The following OXR1 variants were observed in gnomAD, a reference collection of about 807,000 sequenced individuals.
OXR1 encodes the protein oxidation resistance protein 1.
In OXR1, 41 loss-of-function variants were observed where a neutral mutation model predicts 104.6. The observed-to-expected ratio is 0.39, with a 90% CI of 0.31 to 0.51. The LOEUF is 0.51. Ranked by LOEUF, OXR1 falls within the 20% of genes least tolerant of loss-of-function variation. The pLI, the probability that OXR1 is intolerant of heterozygous loss-of-function variation, is 0.77. For synonymous variants in OXR1, 348 were observed against 348.4 expected (o/e 1.00, Z 0.01); for missense variants, 955 against 1,031.9 (o/e 0.93, Z 1.02).
chr8:106,745,989 A>G, intron 16 of OXR1, 127 bp downstream of exon 16: 1 of 591,464 alleles, frequency 1.7e-6, no homozygotes, highest in Non-Finnish European at 3.0e-6. Flanking sequence ...ATTATGAAAA[A>G]GAGAGTATAA....
intron 1 of OXR1, among the ~76,000 whole-genome samples, chr8:106,271,380 A>T (rs1811800543): frequency 6.6e-6 from 1 of 152,020 alleles, no homozygotes; most frequent in Non-Finnish European, 1.5e-5. Context: ...GGTTCCCGGC[A>T]CGCTCAGGGT....
intron 2 of OXR1, among the ~76,000 whole-genome samples, chr8:106,514,875 C>G (rs78825710): frequency 3.7e-4 from 56 of 152,132 alleles, no homozygotes; most frequent in African/African-American, 1.3e-3. Context: ...AACAAAAGAG[C>G]AGCTGGCTTT....
chr8:106,313,928 G>T (rs1813820681), intron 1 of OXR1, among the ~76,000 whole-genome samples: 1 of 152,116 alleles, frequency 6.6e-6, no homozygotes, highest in Non-Finnish European at 1.5e-5. Context: ...AATTAAAGAA[G>T]AATGTTTTTC....
chr8:106,497,785 CAT>C (rs976128246), intron 2 of OXR1, among the ~76,000 whole-genome samples: 1 of 81,354 alleles, frequency 1.2e-5, no homozygotes, highest in African/African-American at 5.6e-5. Flanking sequence ...ATATGGTCAC[CAT>C]ATGTGTGTGT....
At chr8:106,381,023 A>C (rs1000612605) in intron 2 of OXR1, among the ~76,000 whole-genome samples, 3 of 152,172 alleles carry the variant, frequency 2.0e-5, no homozygotes, top group South Asian at 2.1e-4. Context: ...TTCAACACCA[A>C]ATCTACCTAT....
chr8:106,350,138 G>C (rs181035618), intron 1 of OXR1, among the ~76,000 whole-genome samples: 221 of 152,272 alleles, frequency 1.5e-3, no homozygotes, highest in Admixed American at 4.0e-3. Flanking sequence ...AGGCAGACAT[G>C]AAAGACGGAG....
chr8:106,620,753 C>T (rs1478114165), intron 3 of OXR1, among the ~76,000 whole-genome samples: 1 of 152,110 alleles, frequency 6.6e-6, no homozygotes, highest in Non-Finnish European at 1.5e-5. Flanking sequence ...TCAAATTACA[C>T]ATCTAAAGAA....
intron 11 of OXR1, among the ~76,000 whole-genome samples, chr8:106,733,054 A>G (rs1049577490): frequency 6.6e-6 from 1 of 152,114 alleles, no homozygotes; most frequent in African/African-American, 2.4e-5. Context: ...TTATTTAAAT[A>G]CATATCTTTC....
intron 2 of OXR1, among the ~76,000 whole-genome samples, chr8:106,451,911 G>A (rs904525293): frequency 6.6e-6 from 1 of 152,168 alleles, no homozygotes; most frequent in African/African-American, 2.4e-5. Context: ...AAACAAATGT[G>A]TGTAACAGCA....
At chr8:106,543,639 A>G (rs1293544632) in intron 3 of OXR1, among the ~76,000 whole-genome samples, 2 of 152,210 alleles carry the variant, frequency 1.3e-5, no homozygotes, top group African/African-American at 2.4e-5. Flanking sequence ...TTCTTAATAC[A>G]GGGAATTATA....
At chr8:106,667,371 T>A (rs564454158) in intron 3 of OXR1, among the ~76,000 whole-genome samples, 7 of 152,334 alleles carry the variant, frequency 4.6e-5, no homozygotes, top group African/African-American at 1.4e-4. Context: ...AGGTTATTAT[T>A]TATTTATTTT....
chr8:106,276,256 C>A (rs117401413), intron 1 of OXR1, among the ~76,000 whole-genome samples: 1,777 of 152,288 alleles, frequency 0.012, 21 homozygotes, highest in Non-Finnish European at 0.019. Context: ...GTCTGGGACC[C>A]CACTGACCAA....
At chr8:106,435,829 A>G (rs1266570600) in intron 2 of OXR1, among the ~76,000 whole-genome samples, 5 of 152,108 alleles carry the variant, frequency 3.3e-5, no homozygotes, top group African/African-American at 2.4e-5. Context: ...TTTGTGTGAC[A>G]TATTTCGTCA....
At position 106,706,377 on chromosome 8, in the gene OXR1, G is replaced by C. The variant is rs377519302; in HGVS notation, c.861-5G>C. ...CTAATTATTTTTAATTTTGTTTAAT[G>C]ACAGAGATATAGATCAGCTATCAGG... On this transcript the variant is annotated splice_polypyrimidine_tract_variant and splice_region_variant and intron_variant, in intron 8 of 16. Transcript: ENST00000517566. 95 of 1,541,966 alleles carry C rather than the reference G, an allele frequency of 6.2e-5. 1 individual carries two copies. The highest frequency in any genetic ancestry group is 8.0e-5 in the Non-Finnish European group (92 of 1,153,384).
intron 2 of OXR1, among the ~76,000 whole-genome samples, chr8:106,368,804 A>G (rs947741560): frequency 7.9e-5 from 12 of 152,130 alleles, no homozygotes; most frequent in African/African-American, 2.7e-4. Flanking sequence ...TCTGCAGTTG[A>G]TCGGCATTTG....
chr8:106,643,938 TTAAAG>T lies in OXR1; in HGVS notation c.221-35268_221-35264del, dbSNP rs1823867759. ...AATTGAGATGTATTCTTTGTAGCTC[TTAAAG>T]TAATTATTTTCAACCATTTTCTAGT... On this transcript the variant is annotated intron_variant, in intron 3 of 16. Coordinates refer to ENST00000517566, the MANE Select transcript of OXR1 (RefSeq NM_001198533.2). Among the ~76,000 whole-genome samples, 4 of 152,362 alleles carry T rather than the reference TTAAAG, an allele frequency of 2.6e-5. No homozygotes were observed. In the South Asian group the frequency reaches 8.3e-4, roughly 32 times the overall value.
At chr8:106,702,193 C>T (rs1186944153) in intron 7 of OXR1, among the ~76,000 whole-genome samples, 2 of 152,166 alleles carry the variant, frequency 1.3e-5, no homozygotes, top group Admixed American at 6.5e-5. Flanking sequence ...CTCCTGGCCT[C>T]AAGTGATCCA....
chr8:106,400,116 T>G (rs1817942528), intron 2 of OXR1, among the ~76,000 whole-genome samples: 1 of 152,196 alleles, frequency 6.6e-6, no homozygotes, highest in Non-Finnish European at 1.5e-5. Flanking sequence ...TTCTTGATTA[T>G]AAGCCTTCCA....
intron 2 of OXR1, among the ~76,000 whole-genome samples, chr8:106,433,182 G>C (rs918488135): frequency 6.6e-6 from 1 of 152,176 alleles, no homozygotes; most frequent in Non-Finnish European, 1.5e-5. Flanking sequence ...AGTGGGGAGT[G>C]CTGATTGGTC....
Sources: allele counts gnomAD v4.1 joint callset (sites outside exome capture counted in the v4.1 genomes callset), GRCh38; gene constraint gnomAD v4.1.1; transcripts MANE v1.5; gene names NCBI Gene and HGNC (gene_info 2026-07-23, HGNC 2026-07-21).